Variants in IDO1 observed in about 807,000 individuals in gnomAD.
The protein encoded by IDO1 is indoleamine 2,3-dioxygenase 1.
A neutral mutation model predicts 38.8 loss-of-function variants in IDO1; 35 were observed. The ratio of observed to expected loss-of-function variants is 0.90; its 90% CI spans 0.69 to 1.20. The LOEUF (loss-of-function observed/expected upper bound fraction) is 1.20, where lower values mean the gene tolerates loss of function less well. Ranked by LOEUF, IDO1 falls within the 50% of genes most tolerant of loss-of-function variation. IDO1 has a pLI of 0.00. For synonymous variants in IDO1, 171 were observed against 170.0 expected (o/e 1.01, Z -0.05); for missense variants, 509 against 485.1 (o/e 1.05, Z -0.46).
intron 1 of IDO1, among the ~76,000 whole-genome samples, chr8:39,915,934 G>GGC (rs1807168319): frequency 6.6e-6 from 1 of 152,142 alleles, no homozygotes; most frequent in Non-Finnish European, 1.5e-5. Context: ...GGGAGACGGA[G>GGC]GCGGGTGGAT....
At chr8:39,920,261 ATCTCAG>A (rs1343642429) in intron 5 of IDO1, 147 bp downstream of exon 5, 3 of 613,942 alleles carry the variant, frequency 4.9e-6, no homozygotes, top group Admixed American at 6.3e-5. Context: ...AGAACAAATA[ATCTCAG>A]TCTTTAATTG....
Position 39,928,352 on chromosome 8 carries a change from G to A in IDO1, c.*167G>A. On this transcript the variant is annotated 3_prime_UTR_variant, in exon 10 of 10. Transcript: ENST00000518237. ...CATTTCTTGTAGGAAAACAACAAAA[G>A]GTAATTATGTGTAATTATACTAGAA... 5.5e-6 allele frequency: 3 copies of A among 542,776 alleles called. No individual in the cohort carries two copies. The highest frequency in any genetic ancestry group is 3.0e-5 in the South Asian group (1 of 33,386). The allele number at this position is 542,776 out of a possible 1,614,324, so 33.6% of individuals were successfully genotyped here. A position where few individuals can be genotyped will look rare whatever the true frequency, so the allele number is the denominator to read the frequency against.
At chr8:39,914,086 A>G in intron 1 of IDO1, 77 bp downstream of exon 1, 1 of 1,029,048 alleles carries the variant, frequency 9.7e-7, no homozygotes, top group Non-Finnish European at 1.5e-6. Context: ...CTTCTACTGA[A>G]CAACTGTGGT....
Position 39,925,215 on chromosome 8 carries a change from TCTGATA to T in IDO1, c.708-7_708-2del, listed in dbSNP as rs1481310109. 1 of 1,572,008 alleles carries T rather than the reference TCTGATA, an allele frequency of 6.4e-7. No individual in the cohort carries two copies. Among genetic ancestry groups the T allele is most frequent in the Non-Finnish European group, 8.6e-7 (1 of 1,164,338 alleles). On this transcript the variant is annotated splice_acceptor_variant and splice_polypyrimidine_tract_variant and intron_variant, in intron 8 of 9. Coordinates refer to ENST00000518237, the MANE Select transcript of IDO1 (RefSeq NM_002164.6). LOFTEE classifies it high-confidence loss of function. The stretch of plus-strand genomic sequence containing the variant: ...GATTTTTCTTTTTTTCTTTCTTTCC[TCTGATA>T]GCTGGAAAGGCAACCCCCAGCTATC...
At chr8:39,918,242 G>T in intron 3 of IDO1, 35 bp downstream of exon 3, 1 of 1,587,160 alleles carries the variant, frequency 6.3e-7, no homozygotes, top group South Asian at 1.1e-5. Context: ...TATGCTATGT[G>T]ACAGATTTTC....
chr8:39,921,960 G>A (rs942603596), intron 5 of IDO1, among the ~76,000 whole-genome samples: 2 of 152,074 alleles, frequency 1.3e-5, no homozygotes, highest in Non-Finnish European at 2.9e-5. Context: ...ACTAGTTTGG[G>A]AATTTCTAAT....
chr8:39,923,629 A>G, intron 7 of IDO1, 43 bp downstream of exon 7: 1 of 1,159,542 alleles, frequency 8.6e-7, no homozygotes, highest in Non-Finnish European at 1.3e-6. Context: ...TGACAAGTCA[A>G]ATGTTCCAGG....
At chr8:39,918,746 C>CAAAAAAAAAAAAAAAAAAAAAAAAA (rs1214540367) in intron 3 of IDO1, 69 bp from the exon 4 acceptor site, 10 of 291,334 alleles carry the variant, frequency 3.4e-5, no homozygotes, top group African/African-American at 5.4e-5. Context: ...GACTCCATCT[C>CAAAAAAAAAAAAAAAAAAAAAAAAA]AAAAAAAAAA....
rs369714886 is a variant in IDO1, at chr8:39,914,092, G to A, written c.87+83G>A. On this transcript the variant is annotated intron_variant, in intron 1 of 9. Transcript: ENST00000518237. ...CCAAGTTAACTTCTACTGAACAACT[G>A]TGGTTCAGTAACTTCTAGTAAACAA... 2.7e-5 allele frequency: 26 copies of A among 958,078 alleles called. No individual in the cohort carries two copies. In the East Asian group the frequency reaches 5.8e-4, roughly 21 times the overall value. 59.3% of individuals were successfully genotyped at this position (958,078 alleles called of 1,614,324 possible).
chr8:39,919,001 C>A, intron 4 of IDO1, 68 bp downstream of exon 4: 2 of 970,770 alleles, frequency 2.1e-6, no homozygotes, highest in South Asian at 2.6e-5. Flanking sequence ...AGGGGTTGTT[C>A]ATTGGCTTAA....
intron 5 of IDO1, among the ~76,000 whole-genome samples, chr8:39,920,322 A>G (rs966436895): frequency 5.9e-5 from 9 of 152,242 alleles, no homozygotes; most frequent in Non-Finnish European, 5.9e-5. Context: ...TATTATAGCT[A>G]TAGATATATA....
At chr8:39,917,451 G>A (rs1248296289) in intron 1 of IDO1, among the ~76,000 whole-genome samples, 2 of 152,184 alleles carry the variant, frequency 1.3e-5, no homozygotes, top group African/African-American at 4.8e-5. Flanking sequence ...AGCCAAGATT[G>A]CGCCACTGCA....
At chr8:39,920,180 C>A in intron 5 of IDO1, 66 bp downstream of exon 5, 2 of 1,234,814 alleles carry the variant, frequency 1.6e-6, no homozygotes, top group South Asian at 1.4e-5. Context: ...GTAGGTTTAT[C>A]AATAGACTCC....
At position 39,915,682 on chromosome 8, in the gene IDO1, C is replaced by A. The variant is rs537752791; in HGVS notation, c.87+1673C>A. On this transcript the variant is annotated intron_variant, in intron 1 of 9. Transcript: ENST00000518237. Reference sequence around the variant, plus strand: ...TGGATGATTTCAAGGATGTACTTATCAATGGTACAATAAAACCATCTTTTT... The same window carrying A: ...TGGATGATTTCAAGGATGTACTTATAAATGGTACAATAAAACCATCTTTTT... The A allele has an allele frequency of 2.0e-5, 3 of 152,300 alleles. No individual in the cohort carries two copies. In the South Asian group the frequency reaches 6.2e-4, roughly 32 times the overall value. The allele number at this position is 152,300 out of a possible 1,614,324, so 9.4% of individuals were successfully genotyped here. A position where few individuals can be genotyped will look rare whatever the true frequency, so the allele number is the denominator to read the frequency against.
At chr8:39,922,501 T>A (rs1807289199) in intron 5 of IDO1, 51 bp from the exon 6 acceptor site, 3 of 1,122,958 alleles carry the variant, frequency 2.7e-6, no homozygotes, top group Non-Finnish European at 4.1e-6. Flanking sequence ...TGTCAAAAAA[T>A]ATCCCATAAT....
Position 39,927,993 on chromosome 8 carries a change from C to A in IDO1, c.1020C>A (p.Val340=). 1 of 1,605,392 alleles carries A rather than the reference C, an allele frequency of 6.2e-7. No individual in the cohort carries two copies. Among genetic ancestry groups the A allele is most frequent in the Non-Finnish European group, 8.5e-7 (1 of 1,175,932 alleles). The part of the protein sequence containing the change: ...EAYDACVKAL[V]SLRSYHLQIV... The stretch of plus-strand genomic sequence containing the variant: ...ATGACGCCTGTGTGAAAGCTCTGGT[C>A]TCCCTGAGGAGCTACCATCTGCAAA... The change falls in exon 10 of 10, where the codon GTC becomes GTA. Residue 340 remains valine, a synonymous_variant. Coordinates refer to ENST00000518237, the MANE Select transcript of IDO1 (RefSeq NM_002164.6).
rs944097846 is a variant in IDO1 at position 39,917,953 on chromosome 8, C to T, written c.166C>T (p.Arg56Ter). The T allele has an allele frequency of 1.2e-5, 20 of 1,612,252 alleles. No homozygotes were observed. The highest frequency in any genetic ancestry group is 1.6e-5 in the Non-Finnish European group (19 of 1,178,940). The stretch of plus-strand genomic sequence containing the variant: ...TGATCTCATAGAGTCTGGCCAGCTT[C>T]GAGAAAGAGTTGAGAAGGTTTGACA... ...LPDLIESGQL[R>*]ERVEKLNMLS... Residue 56 changes from arginine (R) to a stop codon, truncating the protein, a stop_gained, in exon 2 of 10, where the codon CGA becomes TGA. Transcript: ENST00000518237. LOFTEE classifies it high-confidence loss of function.
rs59167028 is a variant in IDO1 at position 39,917,858 on chromosome 8, CT to C, written c.88-5del. 0.075 allele frequency: 71,617 copies of C among 951,870 alleles called. 75 individuals are homozygous for C. The highest frequency in any genetic ancestry group is 0.088 in the South Asian group (4,309 of 48,716). 59.0% of individuals were successfully genotyped at this position (951,870 alleles called of 1,614,324 possible). On this transcript the variant is annotated splice_polypyrimidine_tract_variant and intron_variant, in intron 1 of 9. Coordinates refer to ENST00000518237, the MANE Select transcript of IDO1 (RefSeq NM_002164.6). ...ATAACTGCTACTACTAAATAAAGAT[CT>C]TTTTTTTTTTTCAAGGAAAATCTAC...
rs1048349497 is a variant in IDO1, at chr8:39,928,665, G to A, written c.*480G>A. Among the ~76,000 whole-genome samples the A allele has an allele frequency of 5.9e-5, 9 of 151,376 alleles. No individual in the cohort carries two copies. Among genetic ancestry groups the A allele is most frequent in the Non-Finnish European group, 1.2e-4 (8 of 67,884 alleles). Reference sequence around the variant, plus strand: ...GGAGAATGGCGTGAACCTGGGAGGCGGAGCTTGCAGTGAGCCAAGATTGTG... The same window carrying A: ...GGAGAATGGCGTGAACCTGGGAGGCAGAGCTTGCAGTGAGCCAAGATTGTG... On this transcript the variant is annotated 3_prime_UTR_variant, in exon 10 of 10. Transcript: ENST00000518237.
Sources: gnomAD v4.1 joint callset for allele counts (sites outside exome capture counted in the v4.1 genomes callset) on GRCh38, gnomAD v4.1.1 for gene constraint, MANE v1.5 for transcripts, NCBI Gene and HGNC (gene_info 2026-07-23, HGNC 2026-07-21) for gene names.